CRACD: variants seen among roughly 807,000 people sequenced by gnomAD.
CRACD encodes capping protein inhibiting regulator of actin dynamics, also known as capping protein-inhibiting regulator of actin dynamics.
A neutral mutation model predicts 106.8 loss-of-function variants in CRACD; 56 were observed. That is an observed-to-expected ratio of 0.52 (90% CI 0.42 to 0.66). The LOEUF (loss-of-function observed/expected upper bound fraction) is 0.66, where lower values mean the gene tolerates loss of function less well. Ranked by LOEUF, CRACD falls within the 30% of genes least tolerant of loss-of-function variation. The pLI is 0.00. For missense variants in CRACD, 1,730 were observed against 1,623.2 expected (o/e 1.07, Z -1.13); for synonymous variants, 754 against 670.8 (o/e 1.12, Z -1.92).
chr4:56,123,514 C>T lies in CRACD; in HGVS notation c.-335-55770C>T, dbSNP rs562857319. Among the ~76,000 whole-genome samples the T allele has an allele frequency of 3.9e-5, 6 of 152,306 alleles. No individual in the cohort carries two copies. The South Asian group carries it at 1.2e-3, about 32-fold the overall frequency. On this transcript the variant is annotated intron_variant, in intron 1 of 10. Coordinates refer to ENST00000682029, the MANE Select transcript of CRACD (RefSeq NM_001393381.1). ...ATCTTATCTAATCCCAGTTGCCTTC[C>T]AAAGCCCCATCTCCAAATACAGTCA...
rs182802273 is a variant in CRACD at position 56,193,558 on chromosome 4, A to G, written c.-189+14128A>G. Among the ~76,000 whole-genome samples the G allele has an allele frequency of 2.0e-5, 3 of 152,304 alleles. No homozygotes were observed. The East Asian group carries it at 5.8e-4, about 29-fold the overall frequency. On this transcript the variant is annotated intron_variant, in intron 2 of 10. Transcript: ENST00000682029. The stretch of plus-strand genomic sequence containing the variant: ...CCCAAATTGTTCCTTTCACTCCAGC[A>G]TATAATTTTCCCTAAAAGAAAAATG...
At chr4:56,069,545 C>G (rs995304885) in intron 1 of CRACD, among the ~76,000 whole-genome samples, 2 of 152,186 alleles carry the variant, frequency 1.3e-5, no homozygotes, top group Non-Finnish European at 2.9e-5. Context: ...AGCACTGAAT[C>G]GTTCTCCCTT....
intron 2 of CRACD, among the ~76,000 whole-genome samples, chr4:56,265,401 GGGGTGTGTGTGTGTGTGTGTGT>G (rs1741950601): frequency 1.7e-5 from 2 of 116,250 alleles, no homozygotes; most frequent in South Asian, 5.1e-4. Flanking sequence ...GTATAGAGGA[GGGGTGTGTGTGTGTGTGTGTGT>G]GTGTGTGTGT....
intron 1 of CRACD, among the ~76,000 whole-genome samples, chr4:56,110,489 C>T (rs1272647634): frequency 6.6e-6 from 1 of 152,120 alleles, no homozygotes; most frequent in Non-Finnish European, 1.5e-5. Flanking sequence ...GATAGCTTTG[C>T]AGTAGGCTTA....
At chr4:56,247,920 C>T (rs1433410717) in intron 2 of CRACD, among the ~76,000 whole-genome samples, 2 of 151,572 alleles carry the variant, frequency 1.3e-5, no homozygotes, top group Non-Finnish European at 2.9e-5. Context: ...TGGGATGCGT[C>T]ATACTTACAG....
intron 1 of CRACD, among the ~76,000 whole-genome samples, chr4:56,113,788 G>A (rs926970059): frequency 3.3e-5 from 5 of 152,048 alleles, no homozygotes; most frequent in African/African-American, 9.7e-5. Context: ...CTATGCCCAG[G>A]GATGAAATTA....
chr4:56,131,794 C>T (rs978545849), intron 1 of CRACD, among the ~76,000 whole-genome samples: 1 of 152,018 alleles, frequency 6.6e-6, no homozygotes, highest in African/African-American at 2.4e-5. Context: ...ACTATTAATA[C>T]AGTTTGTAGT....
Position 56,315,329 on chromosome 4 carries a change from C to T in CRACD, c.1827C>T (p.Asn609=), listed in dbSNP as rs1172966983. 2 of 1,613,816 alleles carry T rather than the reference C, an allele frequency of 1.2e-6. No individual in the cohort carries two copies. Among genetic ancestry groups the T allele is most frequent in the Non-Finnish European group, 1.7e-6 (2 of 1,179,988 alleles). Residue 609 remains asparagine (N), a synonymous_variant, in exon 8 of 11, where the codon AAC becomes AAT. Transcript: ENST00000682029. This position sits in a 1 kb window ranked among gnomAD's most constrained non-coding sequence, Gnocchi z 4.1. The part of the protein sequence containing the change: ...TGAQLCGPAV[N]LSQIKDTACK... ...CGCAGCTCTGTGGCCCGGCAGTCAA[C>T]CTGAGCCAGATCAAGGACACCGCGT...
At chr4:56,216,831 T>G (rs1266475944) in intron 2 of CRACD, among the ~76,000 whole-genome samples, 1 of 148,910 alleles carries the variant, frequency 6.7e-6, no homozygotes, top group Non-Finnish European at 1.5e-5. Context: ...ATACAAAAAA[T>G]TAGCCGGGCG....
chr4:56,070,733 TG>T (rs948642848), intron 1 of CRACD, among the ~76,000 whole-genome samples: 1 of 151,998 alleles, frequency 6.6e-6, no homozygotes, highest in South Asian at 2.1e-4. Flanking sequence ...GGGGTGGTGA[TG>T]GGGGGTCAAA....
intron 6 of CRACD, 85 bp downstream of exon 6, chr4:56,310,819 C>A: frequency 3.0e-6 from 2 of 673,564 alleles, no homozygotes; most frequent in Non-Finnish European, 5.0e-6. Flanking sequence ...TTGCGACCTG[C>A]TGCCTCATTT....
intron 8 of CRACD, among the ~76,000 whole-genome samples, chr4:56,322,261 T>C (rs914618652): frequency 1.3e-5 from 2 of 152,354 alleles, no homozygotes; most frequent in Non-Finnish European, 1.5e-5. Context: ...TTAATTTTCA[T>C]GGCAACCCAA....
chr4:56,087,230 C>T (rs561754543), intron 1 of CRACD, among the ~76,000 whole-genome samples: 1 of 152,268 alleles, frequency 6.6e-6, no homozygotes, highest in East Asian at 1.9e-4. Flanking sequence ...CCAGGCTGAT[C>T]TTGGACTCCT....
intron 1 of CRACD, among the ~76,000 whole-genome samples, chr4:56,150,698 T>C (rs918421899): frequency 6.6e-5 from 10 of 152,232 alleles, no homozygotes; most frequent in Admixed American, 6.5e-4. Flanking sequence ...CATCCATCCT[T>C]GTTGGTGAAT....
At chr4:56,206,347 C>T (rs1037864862) in intron 2 of CRACD, among the ~76,000 whole-genome samples, 1 of 152,176 alleles carries the variant, frequency 6.6e-6, no homozygotes, top group African/African-American at 2.4e-5. Context: ...CATGCGTGCC[C>T]TGAGAAGCAG....
intron 2 of CRACD, among the ~76,000 whole-genome samples, chr4:56,192,162 C>T (rs549710381): frequency 4.6e-5 from 7 of 152,174 alleles, no homozygotes; most frequent in Non-Finnish European, 4.4e-5. Flanking sequence ...GAGGCCGAGG[C>T]GGGAGGATCA....
At chr4:56,284,291 G>GAAAAAAAA (rs1743201801) in intron 3 of CRACD, among the ~76,000 whole-genome samples, 6 of 1,380 alleles carry the variant, frequency 4.3e-3, no homozygotes, top group Non-Finnish European at 9.5e-3. Flanking sequence ...CCATCCTAAA[G>GAAAAAAAA]TAAAAAAAAA....
chr4:56,178,340 G>A (rs546087637), intron 1 of CRACD, among the ~76,000 whole-genome samples: 1 of 152,164 alleles, frequency 6.6e-6, no homozygotes, highest in East Asian at 1.9e-4. Flanking sequence ...CAGTAGTTTT[G>A]CCCTGTGCCT....
chr4:56,120,158 G>T lies in CRACD; in HGVS notation c.-335-59126G>T, dbSNP rs1333943977. Among the ~76,000 whole-genome samples, 6 of 152,164 alleles carry T rather than the reference G, an allele frequency of 3.9e-5. 1 individual carries two copies. The highest frequency in any genetic ancestry group is 3.3e-4 in the Admixed American group (5 of 15,276). ...TTACATACTTAATTCTGACATGCAT[G>T]CCAGAACTCTGCAAGACAAGGAGGT... On this transcript the variant is annotated intron_variant, in intron 1 of 10. Transcript: ENST00000682029.
Sources: gnomAD v4.1 joint callset for allele counts (sites outside exome capture counted in the v4.1 genomes callset) on GRCh38, gnomAD v4.1.1 for gene constraint, Gnocchi (gnomAD v3.1) non-coding constraint, MANE v1.5 for transcripts, NCBI Gene and HGNC (gene_info 2026-07-23, HGNC 2026-07-21) for gene names.